The following AOX1 variants were observed in gnomAD, a reference collection of about 807,000 sequenced individuals.
AOX1 encodes aldehyde oxidase.
In AOX1, 153 loss-of-function variants were observed where a neutral mutation model predicts 169.5. The observed-to-expected ratio is 0.90, with a 90% CI of 0.79 to 1.03. The LOEUF is 1.03. AOX1 is among the 50% of genes least tolerant of loss of function. The probability of loss-of-function intolerance (pLI) is 0.00; values close to 1 mark genes in which losing one functional copy is unlikely to be tolerated. For missense variants in AOX1, 1,656 were observed against 1,663.9 expected (o/e 1.00, Z 0.08); for synonymous variants, 562 against 581.9 (o/e 0.97, Z 0.49).
chr2:200,589,718 G>T (rs1015874643), intron 1 of AOX1, among the ~76,000 whole-genome samples: 1 of 152,184 alleles, frequency 6.6e-6, no homozygotes, highest in African/African-American at 2.4e-5. Context: ...GCCAGAACCT[G>T]CTTAGAGGTG....
chr2:200,588,726 C>CTTTTTTTTTTTTTT lies in AOX1; in HGVS notation c.45+2581_45+2594dup, dbSNP rs71807461. ...CTTACATGGAAAGAACTAGAATAAG[C>CTTTTTTTTTTTTTT]TTTTTTTTTTTTTTTTTTTTTGAGA... On this transcript the variant is annotated intron_variant, in intron 1 of 34. Transcript: ENST00000374700. Among the ~76,000 whole-genome samples the CTTTTTTTTTTTTTT allele has an allele frequency of 1.3e-3, 68 of 53,988 alleles. 16 individuals carry two copies. Among genetic ancestry groups the CTTTTTTTTTTTTTT allele is most frequent in the Non-Finnish European group, 1.7e-3 (44 of 25,664 alleles). 35.4% of individuals were successfully genotyped at this position (53,988 alleles called of 152,430 possible). A position where few individuals can be genotyped will look rare whatever the true frequency, so the allele number is the denominator to read the frequency against.
the AOX1 span, among the ~76,000 whole-genome samples, chr2:200,682,150 CAA>C: frequency 1.3e-5 from 2 of 152,126 alleles, no homozygotes; most frequent in Admixed American, 1.3e-4. Context: ...TCTATCCTGT[CAA>C]GATACTTTTA....
At chr2:200,677,179 T>A (rs1203632633), downstream of AOX1, 1 of 290,360 alleles carries the variant, frequency 3.4e-6, no homozygotes, top group African/African-American at 2.3e-5. Flanking sequence ...ACAATCTGTA[T>A]CTGTAGTCCT....
intron 26 of AOX1, among the ~76,000 whole-genome samples, chr2:200,656,150 G>C (rs1260216724): frequency 1.3e-5 from 2 of 152,156 alleles, no homozygotes; most frequent in Non-Finnish European, 2.9e-5. Flanking sequence ...TGGAACCACT[G>C]AGAGATATCT....
chr2:200,649,408 G>A (rs2035533564), intron 25 of AOX1, among the ~76,000 whole-genome samples: 2 of 152,188 alleles, frequency 1.3e-5, no homozygotes, highest in South Asian at 4.1e-4. Context: ...TGGGAGAGGA[G>A]GATCTCCCTT....
chr2:200,648,578 G>A (rs1280845908), intron 25 of AOX1, among the ~76,000 whole-genome samples: 3 of 151,924 alleles, frequency 2.0e-5, no homozygotes, highest in Non-Finnish European at 2.9e-5. Flanking sequence ...CTACCAGGAG[G>A]TGGCACTTTC....
At chr2:200,664,776 T>C (rs2035895979) in intron 31 of AOX1, among the ~76,000 whole-genome samples, 1 of 152,226 alleles carries the variant, frequency 6.6e-6, no homozygotes, top group Admixed American at 6.5e-5. Context: ...TCCGGCAAAA[T>C]TTTCCTCACT....
intron 17 of AOX1, 105 bp downstream of exon 17, chr2:200,620,924 T>A (rs969698690): frequency 2.9e-6 from 4 of 1,375,208 alleles, no homozygotes; most frequent in Non-Finnish European, 4.0e-6. Context: ...TTGTTGGTGA[T>A]ATCCAATGCA....
At chr2:200,669,399 G>T (rs1011581845) in intron 33 of AOX1, among the ~76,000 whole-genome samples, 176 bp from the exon 34 acceptor site, 3 of 151,714 alleles carry the variant, frequency 2.0e-5, no homozygotes, top group Admixed American at 6.6e-5. Flanking sequence ...AGCTGAGATT[G>T]TGTCACTACA....
At chr2:200,605,446 G>T in intron 9 of AOX1, 90 bp from the exon 10 acceptor site, 1 of 505,324 alleles carries the variant, frequency 2.0e-6, no homozygotes, top group Non-Finnish European at 3.3e-6. Context: ...GATATTTAAA[G>T]ATATTAGTTT....
chr2:200,587,649 A>T (rs4674202), intron 1 of AOX1, among the ~76,000 whole-genome samples: 14 of 152,192 alleles, frequency 9.2e-5, no homozygotes, highest in Admixed American at 9.2e-4. Context: ...CCTGATCTGT[A>T]AGGGTCATTA....
At chr2:200,628,065 G>A (rs1281665377) in intron 20 of AOX1, among the ~76,000 whole-genome samples, 1 of 151,740 alleles carries the variant, frequency 6.6e-6, no homozygotes, top group Non-Finnish European at 1.5e-5. Flanking sequence ...GTTAATTATA[G>A]CTTTCCAGTA....
At chr2:200,603,503 T>TA (rs202026674) in intron 7 of AOX1, 147 bp downstream of exon 7, 1,101 of 561,810 alleles carry the variant, frequency 2.0e-3, no homozygotes, top group South Asian at 2.4e-3. Context: ...CATCTCTCTA[T>TA]AAAAAAAAAT....
At chr2:200,679,642 G>A (rs935908395), downstream of AOX1, among the ~76,000 whole-genome samples, 3 of 151,144 alleles carry the variant, frequency 2.0e-5, no homozygotes. Flanking sequence ...AGGAGGTGGC[G>A]ATGAGGTAGT....
intron 24 of AOX1, among the ~76,000 whole-genome samples, chr2:200,642,209 AG>A (rs2035365789): frequency 1.3e-5 from 2 of 152,314 alleles, no homozygotes; most frequent in Middle Eastern, 3.4e-3. Context: ...GAGCAGGGAA[AG>A]GATTGCTCCC....
At chr2:200,662,467 G>T (rs538288195) in intron 30 of AOX1, among the ~76,000 whole-genome samples, 2 of 152,174 alleles carry the variant, frequency 1.3e-5, no homozygotes, top group Non-Finnish European at 2.9e-5. Flanking sequence ...GGCAAATTCT[G>T]GAGCCAGAAA....
chr2:200,680,522 T>G (rs1305244269), downstream of AOX1, among the ~76,000 whole-genome samples: 1 of 126,550 alleles, frequency 7.9e-6, no homozygotes, highest in African/African-American at 2.9e-5. Context: ...TGTGTGTTTG[T>G]CTCAGGGCCA....
chr2:200,663,030 G>C, intron 31 of AOX1, 61 bp downstream of exon 31: 3 of 1,311,468 alleles, frequency 2.3e-6, no homozygotes, highest in Non-Finnish European at 3.3e-6. Flanking sequence ...TTCCACAGAT[G>C]CCATCTATCT....
intron 19 of AOX1, among the ~76,000 whole-genome samples, chr2:200,625,347 G>T (rs370214789): frequency 6.6e-6 from 1 of 152,018 alleles, no homozygotes; most frequent in Admixed American, 6.5e-5. Flanking sequence ...CCAATATCAG[G>T]GGCTAAATAT....
Sources: allele counts gnomAD v4.1 joint callset (sites outside exome capture counted in the v4.1 genomes callset), GRCh38; gene constraint gnomAD v4.1.1; transcripts MANE v1.5; gene names NCBI Gene and HGNC (gene_info 2026-07-23, HGNC 2026-07-21).